PEAK1: variants seen among roughly 807,000 people sequenced by gnomAD.
PEAK1 encodes pseudopodium enriched atypical kinase 1.
A neutral mutation model predicts 124.7 loss-of-function variants in PEAK1; 54 were observed. That is an observed-to-expected ratio of 0.43 (90% CI 0.35 to 0.54). The LOEUF is 0.54. PEAK1 is among the 20% of genes least tolerant of loss of function. The pLI is 0.01. For missense variants in PEAK1, 2,046 were observed against 2,134.5 expected (o/e 0.96, Z 0.82); for synonymous variants, 719 against 760.0 (o/e 0.95, Z 0.89).
chr15:77,274,428 A>T (rs537633469), intron 5 of PEAK1, among the ~76,000 whole-genome samples: 1 of 152,070 alleles, frequency 6.6e-6, no homozygotes, highest in South Asian at 2.1e-4. Flanking sequence ...AAGAAAAAAA[A>T]AATCCCATCA....
intron 6 of PEAK1, among the ~76,000 whole-genome samples, chr15:77,187,724 G>A (rs780899214): frequency 1.3e-5 from 2 of 152,160 alleles, no homozygotes; most frequent in Non-Finnish European, 2.9e-5. Context: ...TGCCATGGAG[G>A]CAGAGTCAAG....
In PEAK1 at chr15:77,250,202, C is replaced by CAT. The variant is rs1402726997; in HGVS notation, c.-115+2163_-115+2164dup. On this transcript the variant is annotated intron_variant, in intron 6 of 9. Transcript: ENST00000682557. ...ATATGTATATATATACATATATATA[C>CAT]ATATATATGTATATATATACACATA... 4.8e-5 allele frequency among the ~76,000 whole-genome samples: 5 copies of CAT among 104,424 alleles called. No homozygotes were observed. In the South Asian group the frequency reaches 1.2e-3, roughly 24 times the overall value. The allele number at this position is 104,424 out of a possible 152,430, so 68.5% of individuals were successfully genotyped here. A position where few individuals can be genotyped will look rare whatever the true frequency, so the allele number is the denominator to read the frequency against.
chr15:77,174,407 C>T (rs2056714132), intron 7 of PEAK1, among the ~76,000 whole-genome samples: 1 of 152,162 alleles, frequency 6.6e-6, no homozygotes, highest in Non-Finnish European at 1.5e-5. Flanking sequence ...TTAATGATCA[C>T]ACTGCCATCA....
chr15:77,141,341 G>A (rs1225917748), intron 8 of PEAK1, among the ~76,000 whole-genome samples: 1 of 152,170 alleles, frequency 6.6e-6, no homozygotes, highest in East Asian at 1.9e-4. Flanking sequence ...AACAAAACTA[G>A]TGTAAGACTT....
chr15:77,135,755 C>T (rs1440460644), intron 8 of PEAK1, among the ~76,000 whole-genome samples: 1 of 152,228 alleles, frequency 6.6e-6, no homozygotes, highest in East Asian at 1.9e-4. Flanking sequence ...TCTCTCTTTG[C>T]CTGCTGCCAT....
chr15:77,240,318 T>C (rs1351360199), intron 6 of PEAK1, among the ~76,000 whole-genome samples: 1 of 152,194 alleles, frequency 6.6e-6, no homozygotes, highest in Non-Finnish European at 1.5e-5. Context: ...TTCTCTTGTT[T>C]CTTTACAAAT....
intron 2 of PEAK1, among the ~76,000 whole-genome samples, chr15:77,343,354 G>T (rs2066659557): frequency 6.6e-6 from 1 of 152,006 alleles, no homozygotes; most frequent in South Asian, 2.1e-4. Context: ...TTATATTCTG[G>T]ATATCAATCC....
chr15:77,241,304 C>T lies in PEAK1; in HGVS notation c.-115+11063G>A, dbSNP rs367617865. On this transcript the variant is annotated intron_variant, in intron 6 of 9. Transcript: ENST00000682557. ...AACAGCCATTCATAATGAAAACTCTCAGCAAACTGGAAATAGAAGGGAACT... is the reference window on the plus strand; with the variant it reads ...AACAGCCATTCATAATGAAAACTCTTAGCAAACTGGAAATAGAAGGGAACT... Among the ~76,000 whole-genome samples the T allele has an allele frequency of 2.6e-5, 4 of 152,198 alleles. No individual in the cohort carries two copies. The East Asian group carries it at 5.8e-4, about 22-fold the overall frequency.
intron 6 of PEAK1, among the ~76,000 whole-genome samples, chr15:77,232,129 C>T (rs764898948): frequency 1.3e-5 from 2 of 152,144 alleles, no homozygotes; most frequent in South Asian, 2.1e-4. Context: ...AAAATCATTG[C>T]CCTTATCATT....
At position 77,262,612 on chromosome 15, in the gene PEAK1, G is replaced by C. The variant is rs574382526; in HGVS notation, c.-274-10086C>G. Among the ~76,000 whole-genome samples, 4 of 84,522 alleles carry C rather than the reference G, an allele frequency of 4.7e-5. No homozygotes were observed. In the South Asian group the frequency reaches 1.3e-3, roughly 28 times the overall value. The allele number at this position is 84,522 out of a possible 152,430, so 55.4% of individuals were successfully genotyped here. A position where few individuals can be genotyped will look rare whatever the true frequency, so the allele number is the denominator to read the frequency against. On this transcript the variant is annotated intron_variant, in intron 5 of 9. Coordinates refer to ENST00000682557, the MANE Select transcript of PEAK1 (RefSeq NM_001385026.1). ...AGGAGCACCCAGATTCATAAAGCAAGTCCTTAGAGACCTACAAAGAGACTC... is the reference window on the plus strand; with the variant it reads ...AGGAGCACCCAGATTCATAAAGCAACTCCTTAGAGACCTACAAAGAGACTC...
In PEAK1 at chr15:77,246,892, C is replaced by T. The variant is rs567311742; in HGVS notation, c.-115+5475G>A. ...AATTAGCTAAGCATGGTGGTGGGTG[C>T]CTGCAATCCTAGCTACTCAAGAGGC... On this transcript the variant is annotated intron_variant, in intron 6 of 9. Transcript: ENST00000682557. 2.0e-5 allele frequency among the ~76,000 whole-genome samples: 3 copies of T among 152,150 alleles called. No homozygotes were observed. In the South Asian group the frequency reaches 6.2e-4, roughly 32 times the overall value.
At chr15:77,256,569 T>C (rs1326358050) in intron 5 of PEAK1, among the ~76,000 whole-genome samples, 2 of 151,956 alleles carry the variant, frequency 1.3e-5, no homozygotes, top group African/African-American at 2.4e-5. Flanking sequence ...TAGGTAAAAA[T>C]AGTTTTTACA....
intron 6 of PEAK1, among the ~76,000 whole-genome samples, chr15:77,234,602 C>G (rs1164075317): frequency 6.6e-6 from 1 of 152,002 alleles, no homozygotes; most frequent in Non-Finnish European, 1.5e-5. Flanking sequence ...ACACATCTCT[C>G]TAAGTATACA....
chr15:77,420,535 C>G (rs1047881383), upstream of PEAK1: 7 of 209,574 alleles, frequency 3.3e-5, no homozygotes, highest in African/African-American at 1.6e-4. Flanking sequence ...GCTAGGTCAG[C>G]CGTCATCGAA....
rs751511941 is a variant in PEAK1 at position 77,179,572 on chromosome 15, T to C, written c.2355A>G (p.Gln785=). 1.5e-5 allele frequency: 25 copies of C among 1,613,966 alleles called. No homozygotes were observed. In the East Asian group the frequency reaches 2.7e-4, roughly 17 times the overall value. The part of the protein sequence containing the change: ...QPPQSPPETP[Q]SGPKACSVEE... ...CCACACTGCAAGCTTTAGGGCCAGA[T>C]TGAGGTGTTTCTGGAGGAGACTGTG... The change falls in exon 7 of 10, where the codon CAA becomes CAG. Residue 785 remains glutamine (Q), a synonymous_variant. Coordinates refer to ENST00000682557, the MANE Select transcript of PEAK1 (RefSeq NM_001385026.1).
At chr15:77,329,583 A>G (rs2065779421) in intron 2 of PEAK1, among the ~76,000 whole-genome samples, 1 of 152,218 alleles carries the variant, frequency 6.6e-6, no homozygotes, top group Non-Finnish European at 1.5e-5. Flanking sequence ...CAGAAAGATA[A>G]GTCAGAGGAA....
At chr15:77,213,637 C>T (rs554822035) in intron 6 of PEAK1, among the ~76,000 whole-genome samples, 60 of 151,856 alleles carry the variant, frequency 4.0e-4, no homozygotes, top group African/African-American at 1.3e-3. Flanking sequence ...TGCAGTGAGC[C>T]GAGATCGCAT....
In PEAK1 at chr15:77,114,496, T is replaced by C; in HGVS notation, c.4901A>G (p.Tyr1634Cys). The change falls in exon 10 of 10, where the codon TAC (tyrosine) becomes TGC (cysteine). Residue 1634 changes from tyrosine to cysteine, a missense_variant. Tyr to Cys is a radical substitution (Grantham distance 194). Transcript: ENST00000682557. Reference sequence around the variant, plus strand: ...GGCCAGCTGCTGCAGACCCCGGGAGTAGGGGGAGCGGAATGGGATGCGAGG... The same window carrying C: ...GGCCAGCTGCTGCAGACCCCGGGAGCAGGGGGAGCGGAATGGGATGCGAGG... ...DLPRIPFRSP[Y>C]SRGLQQLASC... The C allele has an allele frequency of 1.9e-6, 3 of 1,613,652 alleles. No homozygotes were observed. Among genetic ancestry groups the C allele is most frequent in the East Asian group, 2.2e-5 (1 of 44,826 alleles).
At chr15:77,417,290 G>A in intron 1 of PEAK1, 1 of 923,548 alleles carries the variant, frequency 1.1e-6, no homozygotes, top group Non-Finnish European at 1.3e-6. Context: ...CACTTAAAAG[G>A]TACTCAAACA....
Sources: allele counts gnomAD v4.1 joint callset (sites outside exome capture counted in the v4.1 genomes callset), GRCh38; gene constraint gnomAD v4.1.1; transcripts MANE v1.5; gene names NCBI Gene and HGNC (gene_info 2026-07-23, HGNC 2026-07-21).